Variants in AKAP13 observed in about 807,000 individuals in gnomAD.
AKAP13 encodes A-kinase anchor protein 13.
Under a neutral mutation model 264.5 loss-of-function variants are expected in AKAP13, and 80 were observed. The observed-to-expected ratio is 0.30, with a 90% CI of 0.25 to 0.36. The LOEUF (loss-of-function observed/expected upper bound fraction) is 0.36, where lower values mean the gene tolerates loss of function less well. AKAP13 is among the 10% of genes least tolerant of loss of function. The pLI is 1.00. For missense variants in AKAP13, 3,712 were observed against 3,435.2 expected, an observed-to-expected ratio of 1.08 and a Z score of -2.01; for synonymous variants, 1,380 against 1,250.2, an observed-to-expected ratio of 1.10 and a Z score of -2.19.
chr15:85,577,525 A>G (rs751883478), intron 6 of AKAP13, among the ~76,000 whole-genome samples: 25 of 152,110 alleles, frequency 1.6e-4, no homozygotes, highest in Admixed American at 1.1e-3. Flanking sequence ...ATTTTTTTCT[A>G]ATTGCAATAT....
intron 9 of AKAP13, among the ~76,000 whole-genome samples, chr15:85,642,896 C>T (rs1339053800): frequency 6.6e-6 from 1 of 152,106 alleles, no homozygotes; most frequent in Non-Finnish European, 1.5e-5. Context: ...CTTTTCTTGG[C>T]CAGCCCCCAT....
intron 8 of AKAP13, among the ~76,000 whole-genome samples, chr15:85,586,068 C>T (rs550847408): frequency 4.6e-5 from 7 of 152,184 alleles, no homozygotes; most frequent in Non-Finnish European, 8.8e-5. Flanking sequence ...TGCTGAAAAA[C>T]ATTTTCCCCT....
chr15:85,649,465 G>T (rs901668058), intron 10 of AKAP13, among the ~76,000 whole-genome samples: 5 of 152,320 alleles, frequency 3.3e-5, no homozygotes, highest in Admixed American at 6.5e-5. Context: ...CTTGCAGTTT[G>T]TTCCCAGGTT....
chr15:85,585,940 C>G, intron 8 of AKAP13, 117 bp downstream of exon 8: 1 of 1,347,242 alleles, frequency 7.4e-7, no homozygotes, highest in Non-Finnish European at 1.0e-6. Context: ...TATTTTCCCC[C>G]TTCCCTCTTG....
intron 14 of AKAP13, among the ~76,000 whole-genome samples, chr15:85,671,295 G>C (rs1454512002): frequency 6.6e-6 from 1 of 151,972 alleles, no homozygotes; most frequent in Non-Finnish European, 1.5e-5. Context: ...ACTCTAGCCA[G>C]ACATGCTGAC....
chr15:85,691,305 A>T (rs1460328291), intron 16 of AKAP13, among the ~76,000 whole-genome samples: 2 of 152,214 alleles, frequency 1.3e-5, no homozygotes, highest in Non-Finnish European at 2.9e-5. Context: ...AAGCCAGCCA[A>T]GTACTCTGCC....
intron 1 of AKAP13, among the ~76,000 whole-genome samples, chr15:85,482,910 G>A (rs748501403): frequency 2.0e-5 from 3 of 152,194 alleles, no homozygotes; most frequent in African/African-American, 4.8e-5. Context: ...ATTCTTTTCA[G>A]CAGCCTGTGT....
At chr15:85,412,391 AAGCAGATAGGAGAATCC>A (rs1214054996) in intron 1 of AKAP13, among the ~76,000 whole-genome samples, 2 of 152,234 alleles carry the variant, frequency 1.3e-5, no homozygotes, top group Non-Finnish European at 2.9e-5. Context: ...TTGAATGCAG[AAGCAGATAGGAGAATCC>A]AGCTGTCTTC....
chr15:85,716,648 C>A (rs952379460), intron 20 of AKAP13, among the ~76,000 whole-genome samples: 5 of 152,196 alleles, frequency 3.3e-5, no homozygotes, highest in African/African-American at 1.2e-4. Context: ...TAATTCCTAA[C>A]CTCTGTGCTG....
intron 8 of AKAP13, among the ~76,000 whole-genome samples, chr15:85,633,371 G>GC (rs1418197851): frequency 6.6e-6 from 1 of 151,290 alleles, no homozygotes; most frequent in Non-Finnish European, 1.5e-5. Flanking sequence ...ATAGGGGCGG[G>GC]GGGGGAGTAA....
chr15:85,693,110 C>A, intron 16 of AKAP13, 167 bp from the exon 17 acceptor site: 1 of 1,232,742 alleles, frequency 8.1e-7, no homozygotes, highest in Non-Finnish European at 1.1e-6. Context: ...CGTGCCAACG[C>A]CTTAATTTAA....
intron 17 of AKAP13, among the ~76,000 whole-genome samples, chr15:85,696,347 T>C (rs995970093): frequency 5.3e-5 from 8 of 152,212 alleles, no homozygotes; most frequent in African/African-American, 1.7e-4. Context: ...GCCCATCTCC[T>C]GAGTGAAGAA....
Position 85,580,582 on chromosome 15 carries a change from G to C in AKAP13, c.2514G>C (p.Arg838=), listed in dbSNP as rs2079128517. 3 of 1,614,204 alleles carry C rather than the reference G, an allele frequency of 1.9e-6. No individual in the cohort carries two copies. The highest frequency in any genetic ancestry group is 1.3e-5 in the African/African-American group (1 of 75,048). Residue 838 remains arginine, a synonymous_variant, in exon 7 of 37, where the codon CGG becomes CGC. Coordinates refer to ENST00000394518, the MANE Select transcript of AKAP13 (RefSeq NM_007200.5). Reference sequence around the variant, plus strand: ...GAAATTCGAATGAGCCTGATACGCGGCCACTAGAAGACAGGGCAGTAGGCC... The same window carrying C: ...GAAATTCGAATGAGCCTGATACGCGCCCACTAGAAGACAGGGCAGTAGGCC... ...PDGNSNEPDT[R]PLEDRAVGLS...
chr15:85,578,790 T>G (rs2079099856), intron 6 of AKAP13, 140 bp from the exon 7 acceptor site: 1 of 726,386 alleles, frequency 1.4e-6, no homozygotes, highest in Non-Finnish European at 2.3e-6. Context: ...TTATTTGTAT[T>G]CTTTTAGATT....
chr15:85,629,011 T>C (rs1458576435), intron 8 of AKAP13, among the ~76,000 whole-genome samples: 4 of 152,034 alleles, frequency 2.6e-5, no homozygotes, highest in African/African-American at 7.2e-5. Flanking sequence ...TAAGCAACAT[T>C]GTGAGACCCC....
intron 4 of AKAP13, among the ~76,000 whole-genome samples, chr15:85,541,090 C>T (rs759434470): frequency 2.0e-5 from 3 of 152,176 alleles, no homozygotes; most frequent in Non-Finnish European, 4.4e-5. Flanking sequence ...TGGTAATTTT[C>T]TATATGTTGG....
At chr15:85,459,838 T>TA (rs965901877) in intron 1 of AKAP13, among the ~76,000 whole-genome samples, 58 of 152,312 alleles carry the variant, frequency 3.8e-4, no homozygotes, top group African/African-American at 7.2e-4. Context: ...TCTATCTAGT[T>TA]AAGGTGAAAA....
chr15:85,444,165 T>G (rs754142423), intron 1 of AKAP13, among the ~76,000 whole-genome samples: 1 of 152,178 alleles, frequency 6.6e-6, no homozygotes, highest in Non-Finnish European at 1.5e-5. Context: ...ATTATTTTAT[T>G]TAGTGATTTA....
At chr15:85,706,581 G>A (rs2086276589) in intron 17 of AKAP13, among the ~76,000 whole-genome samples, 1 of 152,208 alleles carries the variant, frequency 6.6e-6, no homozygotes, top group South Asian at 2.1e-4. Context: ...ACAGCTGTTT[G>A]TCCTTTTGTG....
Sources: allele counts gnomAD v4.1 joint callset (sites outside exome capture counted in the v4.1 genomes callset), GRCh38; gene constraint gnomAD v4.1.1; transcripts MANE v1.5; gene names NCBI Gene and HGNC (gene_info 2026-07-23, HGNC 2026-07-21).